The following HOMER2 variants were observed in gnomAD, a reference collection of about 807,000 sequenced individuals.
HOMER2 encodes homer protein homolog 2.
Under a neutral mutation model 47.0 loss-of-function variants are expected in HOMER2, and 27 were observed. The observed-to-expected ratio is 0.57, with a 90% CI of 0.42 to 0.79. The LOEUF (loss-of-function observed/expected upper bound fraction) is 0.79, where lower values mean the gene tolerates loss of function less well. HOMER2 is among the 30% of genes least tolerant of loss of function. The probability of loss-of-function intolerance (pLI) is 0.00; values close to 1 mark genes in which losing one functional copy is unlikely to be tolerated. For synonymous variants in HOMER2, 161 were observed against 163.8 expected (o/e 0.98, Z 0.13); for missense variants, 443 against 435.0 (o/e 1.02, Z -0.16).
At chr15:82,864,734 G>A (rs2051909719) in intron 3 of HOMER2, among the ~76,000 whole-genome samples, 1 of 152,208 alleles carries the variant, frequency 6.6e-6, no homozygotes, top group South Asian at 2.1e-4. Flanking sequence ...TCTAGGTAAT[G>A]TGTATATGGG....
intron 1 of HOMER2, among the ~76,000 whole-genome samples, chr15:82,924,093 T>C (rs2053799550): frequency 6.6e-6 from 1 of 152,108 alleles, no homozygotes; most frequent in South Asian, 2.1e-4. Context: ...TGTACACTTC[T>C]TTGGGTTTGG....
intron 1 of HOMER2, among the ~76,000 whole-genome samples, chr15:82,980,752 T>A (rs1316185990): frequency 6.6e-6 from 1 of 152,172 alleles, no homozygotes; most frequent in African/African-American, 2.4e-5. Context: ...TGCACAGATA[T>A]GAAATATGCC....
chr15:82,946,478 C>A (rs1016094428), intron 1 of HOMER2, among the ~76,000 whole-genome samples: 1 of 152,194 alleles, frequency 6.6e-6, no homozygotes, highest in Non-Finnish European at 1.5e-5. Flanking sequence ...ATGCCCCTGC[C>A]TCAGGGCCTT....
chr15:82,890,131 C>T (rs972973320), intron 2 of HOMER2, among the ~76,000 whole-genome samples: 2 of 152,112 alleles, frequency 1.3e-5, no homozygotes, highest in Non-Finnish European at 2.9e-5. Context: ...TCACTTCAGG[C>T]CAGGAGTTTG....
At chr15:82,854,129 G>C (rs899742781) in intron 6 of HOMER2, among the ~76,000 whole-genome samples, 2 of 152,204 alleles carry the variant, frequency 1.3e-5, no homozygotes, top group Non-Finnish European at 2.9e-5. Flanking sequence ...GTCTGGCCAG[G>C]CACAGTGGTT....
chr15:82,861,653 A>G (rs2051794236), intron 4 of HOMER2, among the ~76,000 whole-genome samples: 1 of 152,182 alleles, frequency 6.6e-6, no homozygotes, highest in African/African-American at 2.4e-5. Context: ...AAACTTAATC[A>G]AAGTGTTCAT....
intron 1 of HOMER2, among the ~76,000 whole-genome samples, chr15:82,908,233 G>A (rs1475806860): frequency 6.6e-6 from 1 of 152,108 alleles, no homozygotes; most frequent in Non-Finnish European, 1.5e-5. Flanking sequence ...CAATGAATAT[G>A]TATTTATACA....
chr15:82,918,290 C>T (rs2053639975), intron 1 of HOMER2, among the ~76,000 whole-genome samples: 1 of 152,148 alleles, frequency 6.6e-6, no homozygotes, highest in Non-Finnish European at 1.5e-5. Context: ...GGTACAGATA[C>T]TCAGGCCACG....
At chr15:82,858,615 A>G (rs1372292804) in intron 5 of HOMER2, among the ~76,000 whole-genome samples, 1 of 152,142 alleles carries the variant, frequency 6.6e-6, no homozygotes, top group Non-Finnish European at 1.5e-5. Flanking sequence ...TGTTATAGAT[A>G]AATAAATGAT....
At position 82,859,120 on chromosome 15, in the gene HOMER2, C is replaced by T. The variant is rs1487002849; in HGVS notation, c.403G>A (p.Gly135Arg). The change falls in exon 5 of 9, where the codon GGG becomes AGG. Residue 135 changes from glycine to arginine, a missense_variant. Transcript: ENST00000450735. ...TGAGAGGCCTTTTCATCGTCCGTCC[C>T]GTTGACACTGGATGCCTGAGTAGAA... Reference protein sequence around the residue: ...SNHSQASSVNGTDDEKASHAG... With the variant: ...SNHSQASSVNRTDDEKASHAG... 4.3e-6 allele frequency: 7 copies of T among 1,613,928 alleles called. No homozygotes were observed. The highest frequency in any genetic ancestry group is 5.9e-6 in the Non-Finnish European group (7 of 1,179,864).
intron 1 of HOMER2, among the ~76,000 whole-genome samples, chr15:82,894,370 A>G (rs2052830449): frequency 6.6e-6 from 1 of 152,248 alleles, no homozygotes; most frequent in South Asian, 2.1e-4. Context: ...AGACTGGCTC[A>G]AAAATCCTTT....
exon 2 of HOMER2, chr15:82,837,010 G>C (rs2051134724): frequency 6.6e-6 from 1 of 152,240 alleles, no homozygotes; most frequent in African/African-American, 2.4e-5. Context: ...GGTCTCACTG[G>C]GCTAAAATCA....
chr15:82,897,222 C>T (rs926959779), intron 1 of HOMER2, among the ~76,000 whole-genome samples: 12 of 151,902 alleles, frequency 7.9e-5, no homozygotes, highest in South Asian at 2.1e-4. Flanking sequence ...CCTGCCACCA[C>T]GCCCAGCTAA....
At chr15:82,870,690 A>G (rs1412694627) in intron 3 of HOMER2, among the ~76,000 whole-genome samples, 2 of 152,238 alleles carry the variant, frequency 1.3e-5, no homozygotes, top group Non-Finnish European at 2.9e-5. Flanking sequence ...CTGTTAAATC[A>G]GGACCCAGAA....
intron 3 of HOMER2, among the ~76,000 whole-genome samples, chr15:82,873,672 C>A (rs1045585232): frequency 3.9e-5 from 6 of 152,128 alleles, no homozygotes; most frequent in Non-Finnish European, 7.3e-5. Flanking sequence ...GTTTTAGCAC[C>A]CAGGAAAGAA....
chr15:82,973,106 G>C (rs1418754813), intron 1 of HOMER2, among the ~76,000 whole-genome samples: 2 of 152,160 alleles, frequency 1.3e-5, no homozygotes, highest in Admixed American at 6.5e-5. Context: ...ACCCTGACAG[G>C]CTCCAACTTC....
At chr15:82,882,306 C>T (rs568872496) in intron 2 of HOMER2, among the ~76,000 whole-genome samples, 22 of 152,310 alleles carry the variant, frequency 1.4e-4, no homozygotes, top group Admixed American at 1.2e-3. Flanking sequence ...GGTGGCCAGG[C>T]CTGACCTCAT....
At chr15:82,967,600 G>A (rs1240032438) in intron 1 of HOMER2, among the ~76,000 whole-genome samples, 1 of 152,054 alleles carries the variant, frequency 6.6e-6, no homozygotes, top group Non-Finnish European at 1.5e-5. Context: ...AGCAGGCCAG[G>A]CACGGGGGCT....
intron 3 of HOMER2, among the ~76,000 whole-genome samples, chr15:82,874,692 C>T (rs1373251568): frequency 2.6e-5 from 4 of 152,236 alleles, no homozygotes; most frequent in Non-Finnish European, 5.9e-5. Context: ...AAGCTAAGCG[C>T]TTCCATTATG....
Sources: allele counts gnomAD v4.1 joint callset (sites outside exome capture counted in the v4.1 genomes callset), GRCh38; gene constraint gnomAD v4.1.1; transcripts MANE v1.5; gene names NCBI Gene and HGNC (gene_info 2026-07-23, HGNC 2026-07-21).